ZYG11A: variants seen among roughly 807,000 people sequenced by gnomAD.
The protein encoded by ZYG11A is zyg-11 family member A, cell cycle regulator.
In ZYG11A, 62 loss-of-function variants were observed where a neutral mutation model predicts 77.2. The ratio of observed to expected loss-of-function variants is 0.80; its 90% CI spans 0.65 to 0.99. The LOEUF is 0.99. ZYG11A is among the 50% of genes least tolerant of loss of function. ZYG11A has a pLI of 0.00. For synonymous variants in ZYG11A, 315 were observed against 324.6 expected, an observed-to-expected ratio of 0.97 and a Z score of 0.32; for missense variants, 828 against 896.8, an observed-to-expected ratio of 0.92 and a Z score of 0.98.
chr1:52,889,169 G>T (rs1221407622), intron 13 of ZYG11A, among the ~76,000 whole-genome samples: 2 of 150,460 alleles, frequency 1.3e-5, no homozygotes, highest in African/African-American at 4.9e-5. Context: ...TTTGAGACAG[G>T]GTCTCACTTC....
chr1:52,851,668 G>A (rs1645713854), intron 1 of ZYG11A, among the ~76,000 whole-genome samples: 3 of 151,794 alleles, frequency 2.0e-5, no homozygotes, highest in African/African-American at 7.2e-5. Context: ...CCAAAGTGTT[G>A]GAATTATAGG....
At chr1:52,877,118 TC>T (rs1292136309) in intron 8 of ZYG11A, among the ~76,000 whole-genome samples, 1 of 151,978 alleles carries the variant, frequency 6.6e-6, no homozygotes. Flanking sequence ...ATGTGCTTCC[TC>T]CCCCTCTCCC....
chr1:52,885,242 A>G (rs1646428459), intron 11 of ZYG11A, among the ~76,000 whole-genome samples: 1 of 150,956 alleles, frequency 6.6e-6, no homozygotes, highest in Non-Finnish European at 1.5e-5. Flanking sequence ...CTGTAATTTC[A>G]CTTCAGGAAG....
At chr1:52,888,810 C>T (rs1377704285) in intron 13 of ZYG11A, among the ~76,000 whole-genome samples, 1 of 152,150 alleles carries the variant, frequency 6.6e-6, no homozygotes, top group Non-Finnish European at 1.5e-5. Context: ...GGGAACAGAG[C>T]AAGACTCCTG....
At chr1:52,850,406 C>T (rs1645686039) in intron 1 of ZYG11A, among the ~76,000 whole-genome samples, 1 of 151,716 alleles carries the variant, frequency 6.6e-6, no homozygotes, top group South Asian at 2.1e-4. Context: ...GCAACCTCTG[C>T]ATCCCAGGTT....
intron 10 of ZYG11A, among the ~76,000 whole-genome samples, chr1:52,878,873 A>G (rs553526458): frequency 1.4e-5 from 2 of 145,094 alleles, no homozygotes; most frequent in East Asian, 2.3e-4. Context: ...TGGGAGGTAG[A>G]GATTGAAATG....
Position 52,886,736 on chromosome 1 carries a change from G to C in ZYG11A, c.2007-220G>C, listed in dbSNP as rs191467229. Among the ~76,000 whole-genome samples, 413 of 119,706 alleles carry C rather than the reference G, an allele frequency of 3.5e-3. 1 individual carries two copies. The highest frequency in any genetic ancestry group is 5.1e-3 in the Non-Finnish European group (304 of 59,752). 78.5% of individuals were successfully genotyped at this position (119,706 alleles called of 152,430 possible). On this transcript the variant is annotated intron_variant, in intron 12 of 13. Transcript: ENST00000371528. ...TTTTTTTTTTTTTTTTTGTAGAGAC[G>C]GGGGCTCACCTTGTTGCCTAGGCTG...
intron 12 of ZYG11A, among the ~76,000 whole-genome samples, chr1:52,886,656 C>G (rs1407878359): frequency 6.6e-6 from 1 of 150,528 alleles, no homozygotes; most frequent in Admixed American, 6.6e-5. Flanking sequence ...ACTTGAGGAT[C>G]CTCCCACTTG....
chr1:52,886,596 G>T (rs2150022076), intron 12 of ZYG11A, among the ~76,000 whole-genome samples: 1 of 151,846 alleles, frequency 6.6e-6, no homozygotes. Context: ...TGCAGTGGCG[G>T]GATCACATCT....
chr1:52,846,336 A>T (rs867463947), intron 1 of ZYG11A, among the ~76,000 whole-genome samples: 3,738 of 80,386 alleles, frequency 0.047, 269 homozygotes, highest in African/African-American at 0.086. Flanking sequence ...ATATATATAT[A>T]TATATATATA....
Position 52,874,471 on chromosome 1 carries a change from C to T in ZYG11A, c.1543-3211C>T, listed in dbSNP as rs1454026729. On this transcript the variant is annotated intron_variant, in intron 8 of 13. Coordinates refer to ENST00000371528, the MANE Select transcript of ZYG11A (RefSeq NM_001004339.3). ...CTAGCCGTGTCACTCAGGTTGGTCT[C>T]GAGCTCCTGGGCTCAAGCGATTCTC... Among the ~76,000 whole-genome samples the T allele has an allele frequency of 3.3e-5, 5 of 152,012 alleles. No individual in the cohort carries two copies. In the East Asian group the frequency reaches 7.7e-4, roughly 24 times the overall value.
chr1:52,867,638 G>T lies in ZYG11A; in HGVS notation c.1491G>T (p.Gln497His). 6.4e-7 allele frequency: 1 copy of T among 1,551,876 alleles called. No individual in the cohort carries two copies. Among genetic ancestry groups the T allele is most frequent in the Non-Finnish European group, 8.7e-7 (1 of 1,146,836 alleles). The change falls in exon 7 of 14, where the codon CAG becomes CAT. Residue 497 changes from glutamine (Q) to histidine (H), a missense_variant and splice_region_variant. Gln to His is a conservative substitution (Grantham distance 24). Coordinates refer to ENST00000371528, the MANE Select transcript of ZYG11A (RefSeq NM_001004339.3). Reference protein sequence around the residue: ...AVSVTSILALQLSPEQTAQLE... With the variant: ...AVSVTSILALHLSPEQTAQLE... Reference sequence around the variant, plus strand: ...GTGTCACCTCTATTCTGGCTCTGCAGGTTTGTGATTTCTTAAAGGCAAGAT... The same window carrying T: ...GTGTCACCTCTATTCTGGCTCTGCATGTTTGTGATTTCTTAAAGGCAAGAT...
intron 8 of ZYG11A, among the ~76,000 whole-genome samples, chr1:52,868,570 A>G (rs1646074366): frequency 6.6e-6 from 1 of 152,024 alleles, no homozygotes; most frequent in Non-Finnish European, 1.5e-5. Flanking sequence ...TCACGAGGTC[A>G]GGAGATTGAG....
intron 8 of ZYG11A, among the ~76,000 whole-genome samples, chr1:52,869,964 A>ACCCC (rs544972436): frequency 9.3e-4 from 48 of 51,442 alleles, no homozygotes; most frequent in African/African-American, 2.2e-3. Context: ...CGGGGGGCTG[A>ACCCC]CCCCCCCCCA....
chr1:52,874,252 C>A (rs1557449509), intron 8 of ZYG11A, among the ~76,000 whole-genome samples: 1 of 143,588 alleles, frequency 7.0e-6, no homozygotes, highest in South Asian at 2.3e-4. Flanking sequence ...TATATATATA[C>A]ATATTTTTTA....
intron 10 of ZYG11A, among the ~76,000 whole-genome samples, chr1:52,879,650 G>A (rs540076647): frequency 6.6e-6 from 1 of 152,206 alleles, no homozygotes; most frequent in Admixed American, 6.5e-5. Flanking sequence ...AAGGTGAAAA[G>A]GAATGGGAAA....
chr1:52,890,498 T>C (rs576060226), intron 13 of ZYG11A, among the ~76,000 whole-genome samples: 166 of 151,784 alleles, frequency 1.1e-3, no homozygotes, highest in Admixed American at 2.6e-3. Context: ...CCTCCCAGAG[T>C]GCTGGGATTA....
intron 13 of ZYG11A, among the ~76,000 whole-genome samples, chr1:52,892,408 A>G (rs763277903): frequency 7.9e-5 from 12 of 151,230 alleles, no homozygotes; most frequent in Non-Finnish European, 1.8e-4. Flanking sequence ...CATGCCTGTA[A>G]TCCCAGCTAC....
chr1:52,843,161 G>T (rs1244409470), intron 1 of ZYG11A, among the ~76,000 whole-genome samples, 188 bp downstream of exon 1: 2 of 151,810 alleles, frequency 1.3e-5, no homozygotes, highest in African/African-American at 4.8e-5. Flanking sequence ...CGGGGGAGGC[G>T]GCCTGGGCGC....
Sources: allele counts gnomAD v4.1 joint callset (sites outside exome capture counted in the v4.1 genomes callset), GRCh38; gene constraint gnomAD v4.1.1; transcripts MANE v1.5; gene names NCBI Gene and HGNC (gene_info 2026-07-23, HGNC 2026-07-21).